The following PRKN variants were observed in gnomAD, a reference collection of about 807,000 sequenced individuals.
PRKN encodes parkin RBR E3 ubiquitin protein ligase, also known as E3 ubiquitin-protein ligase parkin.
In PRKN, 56 loss-of-function variants were observed where a neutral mutation model predicts 59.5. The ratio of observed to expected loss-of-function variants is 0.94; its 90% CI spans 0.76 to 1.18. PRKN has a LOEUF of 1.18. Among genes scored for constraint, PRKN ranks in the 50% most tolerant of loss-of-function variants. The pLI, the probability that PRKN is intolerant of heterozygous loss-of-function variation, is 0.00. For synonymous variants in PRKN, 250 were observed against 222.1 expected (o/e 1.13, Z -1.12); for missense variants, 657 against 596.4 (o/e 1.10, Z -1.06).
At chr6:162,613,126 A>T (rs1172553184) in intron 1 of PRKN, among the ~76,000 whole-genome samples, 1 of 152,190 alleles carries the variant, frequency 6.6e-6, no homozygotes, top group African/African-American at 2.4e-5. Context: ...ATATAAAATA[A>T]CTTCCCCATG....
At chr6:161,595,217 G>A (rs1321317362) in intron 7 of PRKN, among the ~76,000 whole-genome samples, 5 of 152,126 alleles carry the variant, frequency 3.3e-5, no homozygotes, top group Non-Finnish European at 5.9e-5. Context: ...CAAAGAACAC[G>A]TTGTCAGTGT....
At chr6:161,570,637 A>G (rs1780853026) in intron 7 of PRKN, among the ~76,000 whole-genome samples, 1 of 152,072 alleles carries the variant, frequency 6.6e-6, no homozygotes, top group African/African-American at 2.4e-5. Flanking sequence ...TCCTTTCTCT[A>G]TCTTACTTTA....
intron 9 of PRKN, among the ~76,000 whole-genome samples, chr6:161,540,441 TAGAA>T (rs1319580395): frequency 2.0e-5 from 3 of 152,186 alleles, no homozygotes; most frequent in Non-Finnish European, 4.4e-5. Flanking sequence ...ATGGCAGTGT[TAGAA>T]AGAAAAAGAT....
rs183265863 is a variant in PRKN, at chr6:161,701,606, T to C, written c.871+84166A>G. 3.4e-3 allele frequency among the ~76,000 whole-genome samples: 519 copies of C among 152,332 alleles called. 1 individual carries two copies. Among genetic ancestry groups the C allele is most frequent in the Non-Finnish European group, 5.1e-3 (347 of 68,018 alleles). On this transcript the variant is annotated intron_variant, in intron 7 of 11. Coordinates refer to ENST00000366898, the MANE Select transcript of PRKN (RefSeq NM_004562.3). The stretch of plus-strand genomic sequence containing the variant: ...TTGAACCATATTCTTTTCAGTGTCA[T>C]AATCAATGCCAGACAATCAATTAAA...
intron 6 of PRKN, among the ~76,000 whole-genome samples, chr6:161,840,866 G>A (rs1792956374): frequency 6.6e-6 from 1 of 151,862 alleles, no homozygotes; most frequent in Non-Finnish European, 1.5e-5. Context: ...ACCACAATGA[G>A]ATACCATCTC....
intron 6 of PRKN, among the ~76,000 whole-genome samples, chr6:161,833,040 C>G (rs1792576163): frequency 6.6e-6 from 1 of 152,152 alleles, no homozygotes; most frequent in Non-Finnish European, 1.5e-5. Context: ...ATGAGACACA[C>G]ATACTTGCCC....
At chr6:162,519,623 T>C (rs993431106) in intron 1 of PRKN, among the ~76,000 whole-genome samples, 1 of 152,172 alleles carries the variant, frequency 6.6e-6, no homozygotes, top group Non-Finnish European at 1.5e-5. Context: ...TCTGAGGCCA[T>C]GGAATTATAA....
intron 4 of PRKN, among the ~76,000 whole-genome samples, chr6:162,186,383 G>A (rs891156568): frequency 6.6e-6 from 1 of 151,042 alleles, no homozygotes; most frequent in East Asian, 2.0e-4. Context: ...TTCCAAACAT[G>A]GGCTATTTTG....
At chr6:161,753,596 G>C (rs1788785346) in intron 7 of PRKN, among the ~76,000 whole-genome samples, 2 of 152,158 alleles carry the variant, frequency 1.3e-5, no homozygotes, top group Admixed American at 6.5e-5. Context: ...GGAGAGGAGA[G>C]CATGTTTGTA....
chr6:161,662,486 C>T (rs1023312130), intron 7 of PRKN, among the ~76,000 whole-genome samples: 1 of 152,106 alleles, frequency 6.6e-6, no homozygotes. Flanking sequence ...GTGGCAGGTG[C>T]AGCAGCCTCC....
chr6:161,873,431 C>T (rs1370001339), intron 6 of PRKN, among the ~76,000 whole-genome samples: 1 of 151,958 alleles, frequency 6.6e-6, no homozygotes, highest in Non-Finnish European at 1.5e-5. Context: ...CGAAAAACCA[C>T]CCCGACACCC....
intron 2 of PRKN, among the ~76,000 whole-genome samples, chr6:162,415,776 C>A (rs1161754471): frequency 6.6e-6 from 1 of 152,116 alleles, no homozygotes; most frequent in African/African-American, 2.4e-5. Flanking sequence ...CAAATTGCGC[C>A]ACTGCACTCC....
chr6:162,589,375 C>CTAG (rs1781207062), intron 1 of PRKN, among the ~76,000 whole-genome samples: 1 of 152,058 alleles, frequency 6.6e-6, no homozygotes, highest in Admixed American at 6.6e-5. Context: ...CTGATAGCTC[C>CTAG]TACCATCCAT....
intron 8 of PRKN, among the ~76,000 whole-genome samples, chr6:161,555,481 A>G (rs6455734): frequency 0.42 from 63,085 of 152,004 alleles, 13,314 homozygotes; most frequent in East Asian, 0.64. Flanking sequence ...ATTCAGAAAA[A>G]CTGTAGACTT....
chr6:162,179,428 C>A (rs1329446624), intron 4 of PRKN, among the ~76,000 whole-genome samples: 1 of 152,136 alleles, frequency 6.6e-6, no homozygotes. Context: ...TGCACCATGG[C>A]TCTCCTGACT....
chr6:162,583,288 T>C (rs1431772832), intron 1 of PRKN, among the ~76,000 whole-genome samples: 1 of 152,200 alleles, frequency 6.6e-6, no homozygotes, highest in Admixed American at 6.5e-5. Flanking sequence ...GCAGCATAAA[T>C]GCACTAAGAC....
chr6:162,239,238 A>G (rs1778881277), intron 3 of PRKN, among the ~76,000 whole-genome samples: 1 of 152,164 alleles, frequency 6.6e-6, no homozygotes, highest in African/African-American at 2.4e-5. Context: ...CTCACTGAGC[A>G]GGAACACAGC....
intron 1 of PRKN, among the ~76,000 whole-genome samples, chr6:162,626,690 T>C (rs1369260203): frequency 6.6e-6 from 1 of 151,768 alleles, no homozygotes. Flanking sequence ...AGTGGGCGCC[T>C]GTAATCCCAG....
intron 6 of PRKN, among the ~76,000 whole-genome samples, chr6:161,969,569 C>A (rs901105491): frequency 6.6e-6 from 1 of 151,992 alleles, no homozygotes; most frequent in Non-Finnish European, 1.5e-5. Context: ...GCATAACAGG[C>A]CTGTCTGACC....
Sources: allele counts gnomAD v4.1 joint callset (sites outside exome capture counted in the v4.1 genomes callset), GRCh38; gene constraint gnomAD v4.1.1; transcripts MANE v1.5; gene names NCBI Gene and HGNC (gene_info 2026-07-23, HGNC 2026-07-21).